Variants in LVRN observed in about 807,000 individuals in gnomAD.
LVRN encodes the protein laeverin.
Under a neutral mutation model 111.4 loss-of-function variants are expected in LVRN, and 99 were observed. The ratio of observed to expected loss-of-function variants is 0.89; its 90% CI spans 0.76 to 1.05. LVRN has a LOEUF of 1.05. LVRN is among the 50% of genes least tolerant of loss of function. The pLI is 0.00. For synonymous variants in LVRN, 488 were observed against 449.5 expected (o/e 1.09, Z -1.08); for missense variants, 1,414 against 1,206.8 (o/e 1.17, Z -2.54).
At chr5:115,982,182 C>T (rs866401350) in intron 1 of LVRN, among the ~76,000 whole-genome samples, 1 of 152,122 alleles carries the variant, frequency 6.6e-6, no homozygotes, top group Non-Finnish European at 1.5e-5. Context: ...GGTTATGACA[C>T]CTCAAAATGG....
rs1312174509 is a variant in LVRN, at chr5:116,014,352, T to C, written c.2343-68T>C. The C allele has an allele frequency of 1.8e-5, 20 of 1,085,154 alleles. No homozygotes were observed. In the East Asian group the frequency reaches 4.9e-4, roughly 26 times the overall value. The allele number at this position is 1,085,154 out of a possible 1,614,324, so 67.2% of individuals were successfully genotyped here. A position where few individuals can be genotyped will look rare whatever the true frequency, so the allele number is the denominator to read the frequency against. On this transcript the variant is annotated intron_variant, in intron 15 of 19. Transcript: ENST00000357872. ...ACCCATCTTTTTATGAAACACATAT[T>C]CTTGGAGGCAGAGAAAATGAAGGTG... is the stretch of plus-strand genomic sequence containing the variant.
At chr5:115,972,502 A>G (rs1753348679) in intron 1 of LVRN, among the ~76,000 whole-genome samples, 1 of 151,802 alleles carries the variant, frequency 6.6e-6, no homozygotes, top group African/African-American at 2.4e-5. Flanking sequence ...TTAATTTTCC[A>G]TTAAATTCTC....
At chr5:116,012,617 G>A in intron 15 of LVRN, 149 bp downstream of exon 15, 2 of 535,294 alleles carry the variant, frequency 3.7e-6, no homozygotes, top group South Asian at 2.6e-5. Flanking sequence ...AGAGGTTGGT[G>A]GGCTACATGT....
chr5:116,001,370 A>G, intron 10 of LVRN, 131 bp downstream of exon 10: 1 of 1,058,620 alleles, frequency 9.4e-7, no homozygotes, highest in Non-Finnish European at 1.4e-6. Flanking sequence ...ACTGTGTACT[A>G]GGGTGAAGCA....
At chr5:115,963,421 C>A in intron 1 of LVRN, 109 bp downstream of exon 1, 2 of 739,898 alleles carry the variant, frequency 2.7e-6, no homozygotes, top group Non-Finnish European at 4.2e-6. Context: ...CTGCCCTTTC[C>A]AAAGAATCCC....
At chr5:116,006,516 C>T (rs1180787776) in intron 13 of LVRN, among the ~76,000 whole-genome samples, 2 of 152,084 alleles carry the variant, frequency 1.3e-5, no homozygotes, top group Non-Finnish European at 2.9e-5. Context: ...CTCTCTGTCT[C>T]TAAGATCACC....
chr5:116,000,762 T>G, intron 9 of LVRN, 104 bp downstream of exon 9: 1 of 1,261,838 alleles, frequency 7.9e-7, no homozygotes, highest in Non-Finnish European at 1.1e-6. Context: ...GAAAACAGCT[T>G]TGTCTTGTTG....
intron 1 of LVRN, among the ~76,000 whole-genome samples, chr5:115,972,574 C>A (rs1753350705): frequency 6.6e-6 from 1 of 151,884 alleles, no homozygotes; most frequent in African/African-American, 2.4e-5. Flanking sequence ...GTTTCAACGC[C>A]TTTTATTTAT....
chr5:115,975,819 G>C (rs903365356), intron 1 of LVRN: 1 of 152,684 alleles, frequency 6.5e-6, no homozygotes, highest in African/African-American at 2.4e-5. Flanking sequence ...TATTGAACTT[G>C]TTGTTGACTC....
At chr5:115,971,528 C>T (rs149106555) in intron 1 of LVRN, among the ~76,000 whole-genome samples, 1 of 151,996 alleles carries the variant, frequency 6.6e-6, no homozygotes, top group East Asian at 1.9e-4. Context: ...AGTTTTTTTG[C>T]CTATGGACAT....
At chr5:115,972,616 C>T (rs1415415859) in intron 1 of LVRN, among the ~76,000 whole-genome samples, 1 of 151,810 alleles carries the variant, frequency 6.6e-6, no homozygotes, top group Non-Finnish European at 1.5e-5. Context: ...ACTAGAGCTT[C>T]TAATACAACA....
intron 1 of LVRN, among the ~76,000 whole-genome samples, chr5:115,967,641 A>G (rs941164269): frequency 6.6e-6 from 1 of 152,164 alleles, no homozygotes; most frequent in Non-Finnish European, 1.5e-5. Context: ...TAAAAATCTT[A>G]TTAGGATTTT....
chr5:115,964,573 T>C (rs745921998), intron 1 of LVRN, among the ~76,000 whole-genome samples: 2 of 151,500 alleles, frequency 1.3e-5, no homozygotes, highest in Non-Finnish European at 2.9e-5. Context: ...GAGGAAAAAA[T>C]AGAAACACTT....
chr5:116,008,205 G>A (rs1390757661), intron 13 of LVRN, among the ~76,000 whole-genome samples: 1 of 152,150 alleles, frequency 6.6e-6, no homozygotes, highest in Non-Finnish European at 1.5e-5. Context: ...TCAGCCAGGT[G>A]TGGTGGTGGG....
chr5:115,964,041 T>C (rs1753148770), intron 1 of LVRN, among the ~76,000 whole-genome samples: 1 of 152,386 alleles, frequency 6.6e-6, no homozygotes, highest in South Asian at 2.1e-4. Context: ...TTACACTCAT[T>C]TGAGATAATA....
chr5:116,013,131 A>G (rs1748526049), intron 15 of LVRN, among the ~76,000 whole-genome samples: 1 of 152,192 alleles, frequency 6.6e-6, no homozygotes, highest in Non-Finnish European at 1.5e-5. Context: ...TATAGGGATT[A>G]TACCTACAAC....
chr5:115,990,987 C>T (rs1282264247), intron 4 of LVRN, among the ~76,000 whole-genome samples: 1 of 152,128 alleles, frequency 6.6e-6, no homozygotes, highest in African/African-American at 2.4e-5. Flanking sequence ...TCCCTCCTTT[C>T]TCCTGTTGTC....
chr5:116,001,486 A>G (rs1472186798), intron 10 of LVRN, among the ~76,000 whole-genome samples: 2 of 152,124 alleles, frequency 1.3e-5, no homozygotes, highest in Non-Finnish European at 2.9e-5. Flanking sequence ...GCTGTGGGCT[A>G]TTGTGTGTTC....
chr5:115,971,396 A>C (rs144912328), intron 1 of LVRN, among the ~76,000 whole-genome samples: 47 of 152,278 alleles, frequency 3.1e-4, no homozygotes, highest in African/African-American at 1.1e-3. Flanking sequence ...GTATCTGTGA[A>C]AACATTGTCT....
Sources: allele counts gnomAD v4.1 joint callset (sites outside exome capture counted in the v4.1 genomes callset), GRCh38; gene constraint gnomAD v4.1.1; transcripts MANE v1.5; gene names NCBI Gene and HGNC (gene_info 2026-07-23, HGNC 2026-07-21).